The following HS3ST3B1 variants were observed in gnomAD, a reference collection of about 807,000 sequenced individuals.
HS3ST3B1 encodes heparan sulfate-glucosamine 3-sulfotransferase 3B1.
In HS3ST3B1, 13 loss-of-function variants were observed where a neutral mutation model predicts 21.3. The ratio of observed to expected loss-of-function variants is 0.61; its 90% CI spans 0.40 to 0.97. The LOEUF (loss-of-function observed/expected upper bound fraction) is 0.97, where lower values mean the gene tolerates loss of function less well. Ranked by LOEUF, HS3ST3B1 falls within the 50% of genes least tolerant of loss-of-function variation. HS3ST3B1 has a pLI of 0.00. For missense variants in HS3ST3B1, 459 were observed against 554.8 expected, an observed-to-expected ratio of 0.83 and a Z score of 1.73; for synonymous variants, 234 against 254.8, an observed-to-expected ratio of 0.92 and a Z score of 0.78.
At chr17:14,314,453 G>C (rs1183977038) in intron 1 of HS3ST3B1, among the ~76,000 whole-genome samples, 1 of 152,118 alleles carries the variant, frequency 6.6e-6, no homozygotes, top group African/African-American at 2.4e-5. Flanking sequence ...TCCCCTTCTG[G>C]TTACCGTCCC....
Position 14,301,950 on chromosome 17 carries a change from C to G in HS3ST3B1, c.432C>G (p.Gly144=). 1 of 1,609,942 alleles carries G rather than the reference C, an allele frequency of 6.2e-7. No individual in the cohort carries two copies. The highest frequency in any genetic ancestry group is 8.5e-7 in the Non-Finnish European group (1 of 1,178,712). Residue 144 remains glycine (G), a synonymous_variant, in exon 1 of 2, where the codon GGC becomes GGG. Transcript: ENST00000360954. ...SKQLPQAIII[G]VKKGGTRALL... ...AGCTGCCGCAGGCCATCATCATCGG[C>G]GTGAAGAAGGGCGGCACGCGGGCGC...
intron 1 of HS3ST3B1, among the ~76,000 whole-genome samples, chr17:14,322,209 A>G (rs1909680831): frequency 6.6e-6 from 1 of 152,130 alleles, no homozygotes; most frequent in African/African-American, 2.4e-5. Flanking sequence ...AGAAATGTAG[A>G]GAAGTGGGAT....
chr17:14,314,429 A>G (rs1909436176), intron 1 of HS3ST3B1, among the ~76,000 whole-genome samples: 1 of 152,146 alleles, frequency 6.6e-6, no homozygotes, highest in African/African-American at 2.4e-5. Context: ...AAAACCCCCA[A>G]AGCTACCTCT....
chr17:14,312,142 T>C (rs1214586160), intron 1 of HS3ST3B1, among the ~76,000 whole-genome samples: 1 of 152,154 alleles, frequency 6.6e-6, no homozygotes, highest in East Asian at 1.9e-4. Flanking sequence ...AAGAACTTGC[T>C]GTGTGCAGGC....
At chr17:14,307,564 T>A (rs907446669) in intron 1 of HS3ST3B1, among the ~76,000 whole-genome samples, 1 of 152,218 alleles carries the variant, frequency 6.6e-6, no homozygotes, top group Non-Finnish European at 1.5e-5. Context: ...ACTAAAATTA[T>A]TTATAATTAA....
At position 14,341,706 on chromosome 17, in the gene HS3ST3B1, T is replaced by G. The variant is rs1047103299; in HGVS notation, c.555-3322T>G. Among the ~76,000 whole-genome samples, 250 of 152,280 alleles carry G rather than the reference T, an allele frequency of 1.6e-3. 2 individuals are homozygous for G. Among genetic ancestry groups the G allele is most frequent in the Non-Finnish European group, 1.4e-3 (94 of 68,024 alleles). On this transcript the variant is annotated intron_variant, in intron 1 of 1. Transcript: ENST00000360954. ...CGAGATACCCCTAAACCCCCTTCTC[T>G]GCAATGGCCCCGAAGAACCTTGGGG...
intron 1 of HS3ST3B1, among the ~76,000 whole-genome samples, chr17:14,323,891 GCCCTATGTTC>G (rs1470829814): frequency 1.3e-5 from 2 of 152,164 alleles, no homozygotes; most frequent in African/African-American, 4.8e-5. Flanking sequence ...TGAGCTTAGT[GCCCTATGTTC>G]CCAGCCCAGG....
intron 1 of HS3ST3B1, among the ~76,000 whole-genome samples, chr17:14,333,513 G>A (rs981551183): frequency 2.0e-5 from 3 of 151,704 alleles, no homozygotes; most frequent in African/African-American, 7.3e-5. Context: ...AACAACTATT[G>A]CAACAAAGGA....
chr17:14,329,851 C>T (rs1909952073), intron 1 of HS3ST3B1, among the ~76,000 whole-genome samples: 1 of 152,236 alleles, frequency 6.6e-6, no homozygotes, highest in Non-Finnish European at 1.5e-5. Flanking sequence ...AACAGCATTT[C>T]TCTCATCCAG....
chr17:14,337,501 T>TTTC (rs1465678090), intron 1 of HS3ST3B1, among the ~76,000 whole-genome samples: 1 of 151,202 alleles, frequency 6.6e-6, no homozygotes, highest in Non-Finnish European at 1.5e-5. Context: ...CTAATTTTTT[T>TTTC]TTTTTTTTGT....
intron 1 of HS3ST3B1, among the ~76,000 whole-genome samples, chr17:14,306,345 T>G (rs1909139266): frequency 2.6e-5 from 4 of 152,200 alleles, no homozygotes; most frequent in Non-Finnish European, 5.9e-5. Flanking sequence ...CAAGTGTCCC[T>G]CTTGAGGAGA....
chr17:14,301,587 G>T lies in HS3ST3B1; in HGVS notation c.69G>T (p.Pro23=). Residue 23 remains proline (P), a synonymous_variant, in exon 1 of 2, where the codon CCG becomes CCT. Coordinates refer to ENST00000360954, the MANE Select transcript of HS3ST3B1 (RefSeq NM_006041.3). The part of the protein sequence containing the change: ...DVPGRLLPQP[P]PPPPPVRRKL... The stretch of plus-strand genomic sequence containing the variant: ...CCGGCCGGCTCCTACCGCAGCCGCC[G>T]CCGCCCCCGCCGCCGGTGAGGAGGA... 1 of 1,600,228 alleles carries T rather than the reference G, an allele frequency of 6.2e-7. No homozygotes were observed.
intron 1 of HS3ST3B1, among the ~76,000 whole-genome samples, chr17:14,316,135 C>A (rs189567912): frequency 3.3e-5 from 5 of 152,252 alleles, no homozygotes; most frequent in Non-Finnish European, 5.9e-5. Flanking sequence ...CTCCATCCAC[C>A]TTTACCCCTT....
intron 1 of HS3ST3B1, among the ~76,000 whole-genome samples, chr17:14,318,919 G>A (rs181911974): frequency 1.6e-4 from 25 of 152,328 alleles, no homozygotes; most frequent in East Asian, 3.9e-4. Context: ...TGAAGCTTTC[G>A]TTGGTTTTGA....
Position 14,342,247 on chromosome 17 carries a change from T to C in HS3ST3B1, c.555-2781T>C, listed in dbSNP as rs184607338. ...GGTCAAAAATAATGTGGAAATTCTC[T>C]TTTTTTTTTCCTTTTAATTCCTGTG... On this transcript the variant is annotated intron_variant, in intron 1 of 1. Coordinates refer to ENST00000360954, the MANE Select transcript of HS3ST3B1 (RefSeq NM_006041.3). Among the ~76,000 whole-genome samples, 189 of 122,174 alleles carry C rather than the reference T, an allele frequency of 1.5e-3. 1 individual carries two copies. Among genetic ancestry groups the C allele is most frequent in the African/African-American group, 7.2e-3 (183 of 25,434 alleles). The allele number at this position is 122,174 out of a possible 152,430, so 80.2% of individuals were successfully genotyped here. A position where few individuals can be genotyped will look rare whatever the true frequency, so the allele number is the denominator to read the frequency against.
intron 1 of HS3ST3B1, among the ~76,000 whole-genome samples, chr17:14,342,366 C>T (rs1458861663): frequency 6.6e-6 from 1 of 152,118 alleles, no homozygotes; most frequent in Admixed American, 6.5e-5. Context: ...ATAGCAGGCA[C>T]CCAATAAATT....
intron 1 of HS3ST3B1, among the ~76,000 whole-genome samples, chr17:14,316,140 C>T (rs1909490986): frequency 1.3e-5 from 2 of 152,178 alleles, no homozygotes; most frequent in Non-Finnish European, 2.9e-5. Flanking sequence ...TCCACCTTTA[C>T]CCCTTGGAGC....
chr17:14,320,460 C>T (rs1434482266), intron 1 of HS3ST3B1, among the ~76,000 whole-genome samples: 5 of 152,006 alleles, frequency 3.3e-5, no homozygotes, highest in African/African-American at 4.8e-5. Flanking sequence ...AGAGAGTGAC[C>T]GCATGAGGGG....
At chr17:14,306,669 C>G (rs1187313816) in intron 1 of HS3ST3B1, among the ~76,000 whole-genome samples, 1 of 152,128 alleles carries the variant, frequency 6.6e-6, no homozygotes, top group African/African-American at 2.4e-5. Flanking sequence ...TTTTTCTAGT[C>G]TACTTCAGAA....
Sources: allele counts gnomAD v4.1 joint callset (sites outside exome capture counted in the v4.1 genomes callset), GRCh38; gene constraint gnomAD v4.1.1; transcripts MANE v1.5; gene names NCBI Gene and HGNC (gene_info 2026-07-23, HGNC 2026-07-21).